The following MAPKAP1 variants were observed in gnomAD, a reference collection of about 807,000 sequenced individuals.
MAPKAP1 encodes the protein MAPK associated protein 1.
Under a neutral mutation model 65.7 loss-of-function variants are expected in MAPKAP1, and 20 were observed. The ratio of observed to expected loss-of-function variants is 0.30; its 90% confidence interval spans 0.21 to 0.44. The LOEUF (loss-of-function observed/expected upper bound fraction) is 0.44. Ranked by LOEUF, MAPKAP1 falls within the 20% of genes least tolerant of loss-of-function variation. MAPKAP1 has a pLI of 1.00. For synonymous variants in MAPKAP1, 222 were observed against 244.3 expected (o/e 0.91, Z 0.85); for missense variants, 423 against 648.0 (o/e 0.65, Z 3.77).
chr9:125,450,396 C>A (rs548037036), intron 10 of MAPKAP1, among the ~76,000 whole-genome samples: 20 of 152,354 alleles, frequency 1.3e-4, no homozygotes, highest in Admixed American at 3.9e-4. Context: ...ACCATTCTCG[C>A]CTGTTTTCAC....
chr9:125,448,658 G>A (rs1291730293), intron 10 of MAPKAP1, among the ~76,000 whole-genome samples: 1 of 152,194 alleles, frequency 6.6e-6, no homozygotes, highest in African/African-American at 2.4e-5. Context: ...ACAGGGTTAA[G>A]TCACAGGAGC....
intron 10 of MAPKAP1, among the ~76,000 whole-genome samples, chr9:125,457,364 A>G (rs950163453): frequency 7.2e-5 from 11 of 151,930 alleles, no homozygotes; most frequent in African/African-American, 2.4e-4. Flanking sequence ...TTAAGTTTTA[A>G]TTTTTCTTCT....
intron 8 of MAPKAP1, among the ~76,000 whole-genome samples, chr9:125,497,830 G>A (rs1049259252): frequency 3.3e-5 from 5 of 152,230 alleles, no homozygotes; most frequent in African/African-American, 1.2e-4. Flanking sequence ...CTGATGATGG[G>A]AAATTCCACT....
At chr9:125,495,450 ATGTACCAG>A (rs1015368955) in intron 8 of MAPKAP1, among the ~76,000 whole-genome samples, 2 of 152,186 alleles carry the variant, frequency 1.3e-5, no homozygotes, top group Non-Finnish European at 1.5e-5. Flanking sequence ...TACTGCTCTA[ATGTACCAG>A]TGTATCGCTT....
intron 4 of MAPKAP1, among the ~76,000 whole-genome samples, chr9:125,640,710 C>A (rs1258142651): frequency 6.6e-6 from 1 of 152,186 alleles, no homozygotes; most frequent in Non-Finnish European, 1.5e-5. Context: ...TAAGATGATG[C>A]AGTCAAAGTC....
Position 125,559,823 on chromosome 9 carries a change from C to A in MAPKAP1, c.672-14G>T, listed in dbSNP as rs1454099869. On this transcript the variant is annotated splice_polypyrimidine_tract_variant and intron_variant, in intron 5 of 11. Coordinates refer to ENST00000265960, the MANE Select transcript of MAPKAP1 (RefSeq NM_001006617.3). ...CTGACATTGTCACTGAAAGGAAAAC[C>A]AAAAAGGCGAGTGAATACCAAGGTA... 6.2e-7 allele frequency: 1 copy of A among 1,600,576 alleles called. No homozygotes were observed. The highest frequency in any genetic ancestry group is 1.1e-5 in the South Asian group (1 of 89,222).
rs1832085864 is a variant in MAPKAP1 at position 125,595,053 on chromosome 9, T to C, written c.499-9326A>G. Among the ~76,000 whole-genome samples, 1 of 152,238 alleles carries C rather than the reference T, an allele frequency of 6.6e-6. No individual in the cohort carries two copies. Among genetic ancestry groups the C allele is most frequent in the Non-Finnish European group, 1.5e-5 (1 of 68,034 alleles). Reference sequence around the variant, plus strand: ...TGATTTAAACACTTGCATTATATTATAGCATATGGTGGTACCACCTATTCT... The same window carrying C: ...TGATTTAAACACTTGCATTATATTACAGCATATGGTGGTACCACCTATTCT... On this transcript the variant is annotated intron_variant, in intron 4 of 11. Transcript: ENST00000265960. This position sits in a 1 kb window ranked among gnomAD's most constrained non-coding sequence, Gnocchi z 4.0.
At position 125,680,044 on chromosome 9, in the gene MAPKAP1, T is replaced by C. The variant is rs115695283; in HGVS notation, c.-69-7401A>G. Among the ~76,000 whole-genome samples the C allele has an allele frequency of 7.2e-3, 1,103 of 152,318 alleles. 18 individuals are homozygous for C. Among genetic ancestry groups the C allele is most frequent in the African/African-American group, 0.024 (993 of 41,562 alleles). On this transcript the variant is annotated intron_variant, in intron 1 of 11. Coordinates refer to ENST00000265960, the MANE Select transcript of MAPKAP1 (RefSeq NM_001006617.3). ...TATTATTGTACTTGAAATGATTTAA[T>C]GTCTGCTGAGGGAGTTAACAACATG... is the stretch of plus-strand genomic sequence containing the variant.
At chr9:125,645,180 C>T (rs961382395) in intron 4 of MAPKAP1, among the ~76,000 whole-genome samples, 2 of 152,282 alleles carry the variant, frequency 1.3e-5, no homozygotes, top group East Asian at 3.9e-4. Flanking sequence ...GAAGAGCAGG[C>T]CTCTGCCCAG....
At chr9:125,680,138 T>TGC (rs1261186785) in intron 1 of MAPKAP1, among the ~76,000 whole-genome samples, 3 of 152,030 alleles carry the variant, frequency 2.0e-5, no homozygotes, top group Non-Finnish European at 4.4e-5. Flanking sequence ...CTTCACACTA[T>TGC]TAGCATCAGG....
chr9:125,677,149 C>T (rs538719597), intron 1 of MAPKAP1, among the ~76,000 whole-genome samples: 6 of 152,138 alleles, frequency 3.9e-5, no homozygotes, highest in Admixed American at 6.5e-5. Context: ...CACAGCCAGA[C>T]GTCTTTTGGC....
At chr9:125,552,603 C>T (rs948229608) in intron 6 of MAPKAP1, among the ~76,000 whole-genome samples, 7 of 152,182 alleles carry the variant, frequency 4.6e-5, no homozygotes, top group African/African-American at 1.7e-4. Flanking sequence ...AAACCCCATT[C>T]TCACCTTAGT....
intron 4 of MAPKAP1, among the ~76,000 whole-genome samples, chr9:125,622,882 A>G (rs1051962896): frequency 2.0e-5 from 3 of 151,790 alleles, no homozygotes; most frequent in East Asian, 3.9e-4. Flanking sequence ...TACTGCTGCC[A>G]TCTCGGCTCA....
chr9:125,456,569 T>G (rs1247340597), intron 10 of MAPKAP1, among the ~76,000 whole-genome samples: 1 of 152,218 alleles, frequency 6.6e-6, no homozygotes, highest in Non-Finnish European at 1.5e-5. Context: ...GCAGAAGCGT[T>G]GGGATGTCAC....
intron 7 of MAPKAP1, among the ~76,000 whole-genome samples, chr9:125,542,294 T>C (rs1830275764): frequency 6.6e-6 from 1 of 152,186 alleles, no homozygotes; most frequent in African/African-American, 2.4e-5. Flanking sequence ...CACAAAACTA[T>C]TTTCTTCAAC....
intron 1 of MAPKAP1, among the ~76,000 whole-genome samples, chr9:125,681,899 G>A (rs1834832999): frequency 6.6e-6 from 1 of 152,090 alleles, no homozygotes; most frequent in African/African-American, 2.4e-5. Flanking sequence ...GCCTGGGACT[G>A]CAGGCAAGCA....
intron 8 of MAPKAP1, among the ~76,000 whole-genome samples, chr9:125,487,864 A>T (rs1854548328): frequency 6.6e-6 from 1 of 152,228 alleles, no homozygotes; most frequent in African/African-American, 2.4e-5. Flanking sequence ...TTTGTTTAAT[A>T]CACCAGCTAA....
intron 5 of MAPKAP1, among the ~76,000 whole-genome samples, chr9:125,576,095 G>T (rs555826947): frequency 2.0e-5 from 3 of 152,264 alleles, no homozygotes; most frequent in African/African-American, 7.2e-5. Flanking sequence ...GCTACATATG[G>T]TATGATTCCA....
intron 7 of MAPKAP1, among the ~76,000 whole-genome samples, chr9:125,534,505 C>A (rs1830018862): frequency 6.6e-6 from 1 of 152,200 alleles, no homozygotes; most frequent in Admixed American, 6.5e-5. Context: ...CCTCCATTTC[C>A]CGATGAGTAG....
Sources: gnomAD v4.1 joint callset for allele counts (sites outside exome capture counted in the v4.1 genomes callset) on GRCh38, gnomAD v4.1.1 for gene constraint, Gnocchi (gnomAD v3.1) non-coding constraint, MANE v1.5 for transcripts, NCBI Gene and HGNC (gene_info 2026-07-23, HGNC 2026-07-21) for gene names.